The following SNAP23 variants were observed in gnomAD, a reference collection of about 807,000 sequenced individuals.
SNAP23 encodes the protein synaptosomal-associated protein 23.
A neutral mutation model predicts 29.0 loss-of-function variants in SNAP23; 11 were observed. That is an observed-to-expected ratio of 0.38 (90% CI 0.24 to 0.63). The LOEUF (loss-of-function observed/expected upper bound fraction) is 0.63, where lower values mean the gene tolerates loss of function less well. Among genes scored for constraint, SNAP23 ranks in the 20% least tolerant of loss-of-function variants. SNAP23 has a pLI of 0.58. For missense variants in SNAP23, 220 were observed against 253.9 expected, an observed-to-expected ratio of 0.87 and a Z score of 0.91; for synonymous variants, 60 against 82.9, an observed-to-expected ratio of 0.72 and a Z score of 1.50.
chr15:42,507,184 C>G (rs917105716), intron 1 of SNAP23, among the ~76,000 whole-genome samples: 1 of 152,150 alleles, frequency 6.6e-6, no homozygotes, highest in Non-Finnish European at 1.5e-5. Flanking sequence ...CTTGAATAAT[C>G]AATCTGCTCT....
intron 1 of SNAP23, among the ~76,000 whole-genome samples, chr15:42,500,392 T>C (rs1383263579): frequency 6.7e-6 from 1 of 149,722 alleles, no homozygotes; most frequent in Non-Finnish European, 1.5e-5. Flanking sequence ...CTTTTCCCTT[T>C]TTTTTTTTTT....
intron 5 of SNAP23, among the ~76,000 whole-genome samples, chr15:42,524,466 CCT>C (rs2057478641): frequency 6.6e-6 from 1 of 152,178 alleles, no homozygotes; most frequent in Non-Finnish European, 1.5e-5. Flanking sequence ...AGCTCTGCCT[CCT>C]CTCAGATCAG....
chr15:42,511,355 C>A (rs1200560208), intron 1 of SNAP23, among the ~76,000 whole-genome samples: 1 of 152,156 alleles, frequency 6.6e-6, no homozygotes, highest in Non-Finnish European at 1.5e-5. Context: ...CAGTGAGTGT[C>A]CTGGACAACT....
chr15:42,505,464 C>T (rs951151381), intron 1 of SNAP23: 2 of 151,990 alleles, frequency 1.3e-5, no homozygotes, highest in Non-Finnish European at 2.9e-5. Flanking sequence ...ATTTAAATTC[C>T]AGGGCCTTTT....
In SNAP23 at chr15:42,498,649, T is replaced by G. The variant is rs114687802; in HGVS notation, c.-15+2936T>G. Among the ~76,000 whole-genome samples the G allele has an allele frequency of 4.3e-3, 652 of 152,362 alleles. 5 individuals are homozygous for G. Among genetic ancestry groups the G allele is most frequent in the African/African-American group, 0.015 (615 of 41,584 alleles). The stretch of plus-strand genomic sequence containing the variant: ...GTTTTGGTGATTAACATTCAGCTCC[T>G]TGTTACTTAACGCAAATTTCTACAG... On this transcript the variant is annotated intron_variant, in intron 1 of 7. Coordinates refer to ENST00000249647, the MANE Select transcript of SNAP23 (RefSeq NM_003825.4).
intron 5 of SNAP23, among the ~76,000 whole-genome samples, chr15:42,516,032 T>C (rs538184842): frequency 6.6e-6 from 1 of 152,284 alleles, no homozygotes; most frequent in South Asian, 2.1e-4. Flanking sequence ...CTCATGTAGA[T>C]GAGAAGTGGA....
At position 42,531,623 on chromosome 15, in the gene SNAP23, CCTT is replaced by C. The variant is rs575278112; in HGVS notation, c.*149_*151del. 110 of 537,052 alleles carry C rather than the reference CCTT, an allele frequency of 2.0e-4. 1 individual carries two copies. The highest frequency in any genetic ancestry group is 1.4e-3 in the South Asian group (43 of 30,538). 33.3% of individuals were successfully genotyped at this position (537,052 alleles called of 1,614,324 possible). The stretch of plus-strand genomic sequence containing the variant: ...GAAGGGCCAGAGCAGTTACAGCCCT[CCTT>C]CTTTTTTGTTTTCTGTTGAGGGCCG... On this transcript the variant is annotated 3_prime_UTR_variant, in exon 8 of 8. Coordinates refer to ENST00000249647, the MANE Select transcript of SNAP23 (RefSeq NM_003825.4).
chr15:42,497,828 T>A (rs528712275), intron 1 of SNAP23, among the ~76,000 whole-genome samples: 1 of 152,332 alleles, frequency 6.6e-6, no homozygotes, highest in South Asian at 2.1e-4. Flanking sequence ...TAGTTACTTC[T>A]AAAGATGCTA....
rs184037210 is a variant in SNAP23, at chr15:42,529,871, A to C, written c.570+52A>C. 325 of 1,583,012 alleles carry C rather than the reference A, an allele frequency of 2.1e-4. 1 individual carries two copies. In the African/African-American group the frequency reaches 4.0e-3, roughly 20 times the overall value. On this transcript the variant is annotated intron_variant, in intron 7 of 7. Transcript: ENST00000249647. ...AATGAGACACCCAGTTCAGTGTTTC[A>C]GTAATAGACATCTGTGCTAGATACT... is the stretch of plus-strand genomic sequence containing the variant.
intron 2 of SNAP23, among the ~76,000 whole-genome samples, chr15:42,512,643 C>T (rs1222339853): frequency 6.6e-6 from 1 of 152,096 alleles, no homozygotes; most frequent in African/African-American, 2.4e-5. Context: ...TCCCAAAGTG[C>T]TGGGATTATA....
rs2057409859 is a variant in SNAP23, at chr15:42,517,850, A to G, written c.266+2496A>G. Among the ~76,000 whole-genome samples the G allele has an allele frequency of 1.3e-5, 2 of 152,128 alleles. 1 individual carries two copies. The highest frequency in any genetic ancestry group is 1.3e-4 in the Admixed American group (2 of 15,270). On this transcript the variant is annotated intron_variant, in intron 5 of 7. Coordinates refer to ENST00000249647, the MANE Select transcript of SNAP23 (RefSeq NM_003825.4). The stretch of plus-strand genomic sequence containing the variant: ...ATCAGCCTCCCAAGTAGCTAGGATT[A>G]CAGGTGTGTGCCACCATGCCCAGCT...
chr15:42,520,489 C>CT (rs200331370), intron 5 of SNAP23, among the ~76,000 whole-genome samples: 1,535 of 151,696 alleles, frequency 0.01, 36 homozygotes, highest in African/African-American at 0.035. Flanking sequence ...TTTAAACATT[C>CT]TTTTTTTTTA....
At chr15:42,525,087 G>C (rs1223165784) in intron 5 of SNAP23, among the ~76,000 whole-genome samples, 1 of 152,194 alleles carries the variant, frequency 6.6e-6, no homozygotes, top group Admixed American at 6.5e-5. Flanking sequence ...TTCAAAGTCA[G>C]CTGGGCGCGG....
chr15:42,528,139 T>G, intron 5 of SNAP23, 123 bp from the exon 6 acceptor site: 2 of 645,788 alleles, frequency 3.1e-6, no homozygotes, highest in South Asian at 2.3e-5. Context: ...TCATCTAGAC[T>G]TAGCTGTATG....
upstream of SNAP23, among the ~76,000 whole-genome samples, chr15:42,493,434 C>G (rs77095148): frequency 9.6e-3 from 1,461 of 151,648 alleles, 17 homozygotes; most frequent in African/African-American, 0.034. Context: ...CTAGTAGTAC[C>G]CACCCCCGTT....
At chr15:42,512,786 G>A (rs1157601457) in intron 2 of SNAP23, among the ~76,000 whole-genome samples, 169 bp from the exon 3 acceptor site, 2 of 152,180 alleles carry the variant, frequency 1.3e-5, no homozygotes, top group African/African-American at 4.8e-5. Context: ...CGGTACTCAA[G>A]AAATCCTCCT....
At chr15:42,525,388 A>G (rs544145816) in intron 5 of SNAP23, among the ~76,000 whole-genome samples, 2 of 146,878 alleles carry the variant, frequency 1.4e-5, no homozygotes, top group African/African-American at 5.0e-5. Context: ...AAAAAAATTC[A>G]AAGTCAGCTT....
At chr15:42,515,025 T>G (rs892940720) in intron 4 of SNAP23, among the ~76,000 whole-genome samples, 1 of 152,096 alleles carries the variant, frequency 6.6e-6, no homozygotes, top group African/African-American at 2.4e-5. Flanking sequence ...TAGAACAAAT[T>G]TTTCCACAGC....
intron 1 of SNAP23, among the ~76,000 whole-genome samples, chr15:42,499,995 A>G (rs2057254896): frequency 1.3e-5 from 2 of 152,108 alleles, no homozygotes; most frequent in South Asian, 4.1e-4. Flanking sequence ...TTTTTAAAAA[A>G]CTAGCTGGAC....
Sources: gnomAD v4.1 joint callset for allele counts (sites outside exome capture counted in the v4.1 genomes callset) on GRCh38, gnomAD v4.1.1 for gene constraint, MANE v1.5 for transcripts, NCBI Gene and HGNC (gene_info 2026-07-23, HGNC 2026-07-21) for gene names.